CD300LB: variants seen among roughly 807,000 people sequenced by gnomAD.
CD300LB encodes CMRF35-like molecule 7.
CD300LB carries 18 observed loss-of-function variants against 20.8 expected under a neutral mutation model. The observed-to-expected ratio is 0.87, with a 90% CI of 0.60 to 1.28. The LOEUF (loss-of-function observed/expected upper bound fraction) is 1.28. Among genes scored for constraint, CD300LB ranks in the 50% most tolerant of loss-of-function variants. CD300LB has a pLI of 0.00. For synonymous variants in CD300LB, 91 were observed against 91.3 expected, an observed-to-expected ratio of 1.00 and a Z score of 0.02; for missense variants, 222 against 251.8, an observed-to-expected ratio of 0.88 and a Z score of 0.80.
chr17:74,530,098 G>A (rs139047743), intron 1 of CD300LB, among the ~76,000 whole-genome samples: 3,236 of 152,354 alleles, frequency 0.021, 53 homozygotes, highest in Non-Finnish European at 0.031. Flanking sequence ...GCAGAGCCCC[G>A]TTGAACGGGC....
rs775361367 is a variant in CD300LB at position 74,522,759 on chromosome 17, C to T, written c.585G>A (p.Leu195=). The T allele has an allele frequency of 6.2e-7, 1 of 1,614,162 alleles. No individual in the cohort carries two copies. The highest frequency in any genetic ancestry group is 2.2e-5 in the East Asian group (1 of 44,876). Residue 195 remains leucine (L), a synonymous_variant, in exon 4 of 4, where the codon CTG becomes CTA. Coordinates refer to ENST00000392621, the MANE Select transcript of CD300LB (RefSeq NM_174892.4). The part of the protein sequence containing the change: ...QPIYMNFSEP[L]TKDMAT ...CTCTCTAAGTGGCCATGTCTTTAGT[C>T]AGAGGTTCGGAGAAGTTCATGTAGA...
chr17:74,530,883 A>T (rs905853037), intron 1 of CD300LB, among the ~76,000 whole-genome samples: 3 of 151,944 alleles, frequency 2.0e-5, no homozygotes, highest in African/African-American at 7.3e-5. Context: ...ATAACTCTGC[A>T]GAATTGAATA....
chr17:74,523,262 T>C (rs945774986), intron 3 of CD300LB: 10 of 520,230 alleles, frequency 1.9e-5, no homozygotes, highest in Admixed American at 1.3e-4. Context: ...TCTGTGTCCC[T>C]TGATGTCTTG....
At position 74,522,829 on chromosome 17, in the gene CD300LB, A is replaced by G. The variant is rs1186326156; in HGVS notation, c.515T>C (p.Leu172Ser). The G allele has an allele frequency of 6.2e-7, 1 of 1,613,980 alleles. No individual in the cohort carries two copies. The highest frequency in any genetic ancestry group is 1.7e-5 in the Admixed American group (1 of 59,994). The change falls in exon 4 of 4, where the codon TTG (leucine) becomes TCG (serine). Residue 172 changes from leucine (L) to serine (S), a missense_variant. Coordinates refer to ENST00000392621, the MANE Select transcript of CD300LB (RefSeq NM_174892.4). The part of the protein sequence containing the change: ...LLILVTAILW[L>S]KGSQRVPEEP... ...CTCAGGGACCCTCTGAGACCCCTTC[A>G]ACCAGAGGATGGCAGTGACCAAGAT...
At position 74,521,555 on chromosome 17, in the gene CD300LB, A is replaced by G. The variant is rs1907879444; in HGVS notation, c.*1183T>C. 1 of 985,388 alleles carries G rather than the reference A, an allele frequency of 1.0e-6. No individual in the cohort carries two copies. Among genetic ancestry groups the G allele is most frequent in the South Asian group, 4.7e-5 (1 of 21,286 alleles). 61.0% of individuals were successfully genotyped at this position (985,388 alleles called of 1,614,324 possible). ...GAGAAAGTTTCTCTTTGGCTGAAGG[A>G]CAAGAAGAGGGGAGGCTCTGGGTGC... On this transcript the variant is annotated 3_prime_UTR_variant, in exon 4 of 4. Transcript: ENST00000392621.
At position 74,525,933 on chromosome 17, in the gene CD300LB, A is replaced by G. The variant is rs1908018843; in HGVS notation, c.185T>C (p.Ile62Thr). ...GVRWDTCKIL[I>T]ETRGSEQGEK... Reference sequence around the variant, plus strand: ...TCCTTGCTCCGACCCTCTGGTTTCAATGAGGATCTTGCATGTATCCCAGCG... The same window carrying G: ...TCCTTGCTCCGACCCTCTGGTTTCAGTGAGGATCTTGCATGTATCCCAGCG... Residue 62 changes from isoleucine (I) to threonine (T), a missense_variant, in exon 2 of 4, where the codon ATT becomes ACT. Ile to Thr is a moderately conservative substitution (Grantham distance 89, BLOSUM62 -1). Transcript: ENST00000392621. 8 of 1,613,964 alleles carry G rather than the reference A, an allele frequency of 5.0e-6. No individual in the cohort carries two copies. Among genetic ancestry groups the G allele is most frequent in the African/African-American group, 2.7e-5 (2 of 74,884 alleles).
rs1167881827 is a variant in CD300LB at position 74,530,578 on chromosome 17, CACACACACACACA to C, written c.40+720_40+732del. Among the ~76,000 whole-genome samples the C allele has an allele frequency of 7.6e-5, 11 of 144,608 alleles. No homozygotes were observed. In the Middle Eastern group the frequency reaches 0.01, roughly 135 times the overall value. The allele number at this position is 144,608 out of a possible 152,430, so 94.9% of individuals were successfully genotyped here. A position where few individuals can be genotyped will look rare whatever the true frequency, so the allele number is the denominator to read the frequency against. Reference sequence around the variant, plus strand: ...ACACACACACACACACACACACACACACACACACACACACCCAACTCTCTAGAGTGTTCTCCTC... The same window carrying C: ...ACACACACACACACACACACACACACCCCAACTCTCTAGAGTGTTCTCCTC... On this transcript the variant is annotated intron_variant, in intron 1 of 3. Transcript: ENST00000392621.
rs146120646 is a variant in CD300LB, at chr17:74,529,508, G to A, written c.40+1803C>T. Among the ~76,000 whole-genome samples, 1,409 of 152,064 alleles carry A rather than the reference G, an allele frequency of 9.3e-3. 30 individuals are homozygous for A. The highest frequency in any genetic ancestry group is 0.032 in the African/African-American group (1,315 of 41,472). ...GCCCTGAGCATCTAAAAGTCTTTTC[G>A]GGGCCGGGCACGGTGGCTCATGCCT... On this transcript the variant is annotated intron_variant, in intron 1 of 3. Transcript: ENST00000392621.
Position 74,527,874 on chromosome 17 carries a change from G to C in CD300LB, c.41-1797C>G, listed in dbSNP as rs117969496. ...CCGGACCTTACAGCAGGAGGTGAGCGGTGGGCAAGCAAGCGAAGCTTCATC... is the reference window on the plus strand; with the variant it reads ...CCGGACCTTACAGCAGGAGGTGAGCCGTGGGCAAGCAAGCGAAGCTTCATC... On this transcript the variant is annotated intron_variant, in intron 1 of 3. Transcript: ENST00000392621. Among the ~76,000 whole-genome samples the C allele has an allele frequency of 1.6e-3, 239 of 152,254 alleles. 7 individuals are homozygous for C. In the East Asian group the frequency reaches 0.044, roughly 28 times the overall value.
intron 1 of CD300LB, among the ~76,000 whole-genome samples, chr17:74,530,693 A>G (rs564517921): frequency 4.6e-5 from 7 of 151,972 alleles, no homozygotes; most frequent in African/African-American, 1.7e-4. Flanking sequence ...TTCTCTAGTC[A>G]CCAGAGAGAA....
chr17:74,522,759 C>G lies in CD300LB; in HGVS notation c.585G>C (p.Leu195=). 1 of 1,614,162 alleles carries G rather than the reference C, an allele frequency of 6.2e-7. No individual in the cohort carries two copies. The highest frequency in any genetic ancestry group is 1.1e-5 in the South Asian group (1 of 91,080). ...CTCTCTAAGTGGCCATGTCTTTAGT[C>G]AGAGGTTCGGAGAAGTTCATGTAGA... ...QPIYMNFSEP[L]TKDMAT is the part of the protein sequence containing the mutation. Residue 195 remains leucine (L), a synonymous_variant, in exon 4 of 4, where the codon CTG becomes CTC. Transcript: ENST00000392621.
chr17:74,524,578 A>T (rs1468104745), intron 2 of CD300LB, among the ~76,000 whole-genome samples: 1 of 151,992 alleles, frequency 6.6e-6, no homozygotes, highest in Non-Finnish European at 1.5e-5. Context: ...ACAGACTGAA[A>T]CCCTGTCTCA....
intron 2 of CD300LB, among the ~76,000 whole-genome samples, chr17:74,524,802 T>C (rs1364452233): frequency 6.6e-6 from 1 of 152,118 alleles, no homozygotes; most frequent in Non-Finnish European, 1.5e-5. Context: ...CACTGTTTTT[T>C]GTCTCTTTGT....
At chr17:74,528,993 G>A (rs1908116283) in intron 1 of CD300LB, among the ~76,000 whole-genome samples, 1 of 152,100 alleles carries the variant, frequency 6.6e-6, no homozygotes, top group African/African-American at 2.4e-5. Flanking sequence ...AGCCAGGAGT[G>A]GTGGTGCATG....
chr17:74,526,455 G>A (rs774436823), intron 1 of CD300LB, among the ~76,000 whole-genome samples: 2 of 152,180 alleles, frequency 1.3e-5, no homozygotes, highest in Non-Finnish European at 2.9e-5. Flanking sequence ...GCTCACACTT[G>A]TAATCCCAGC....
chr17:74,530,550 A>AACACACACACAC lies in CD300LB; in HGVS notation c.40+749_40+760dup, dbSNP rs67278106. On this transcript the variant is annotated intron_variant, in intron 1 of 3. Coordinates refer to ENST00000392621, the MANE Select transcript of CD300LB (RefSeq NM_174892.4). ...CTCCATCTCTCTGCCCAGGTCCCCC[A>AACACACACACAC]ACACACACACACACACACACACACA... 1.8e-3 allele frequency among the ~76,000 whole-genome samples: 255 copies of AACACACACACAC among 143,136 alleles called. 1 individual carries two copies. The highest frequency in any genetic ancestry group is 3.7e-3 in the African/African-American group (144 of 38,408). 93.9% of individuals were successfully genotyped at this position (143,136 alleles called of 152,430 possible). A position where few individuals can be genotyped will look rare whatever the true frequency, so the allele number is the denominator to read the frequency against.
rs753798217 is a variant in CD300LB at position 74,525,839 on chromosome 17, C to A, written c.279G>T (p.Gly93=). Reference sequence around the variant, plus strand: ...AAACATCTGCGTCATCTCGCCTGAGCCCCTCCATGGTCACAGTGAACGTGC... The same window carrying A: ...AAACATCTGCGTCATCTCGCCTGAGACCCTCCATGGTCACAGTGAACGTGC... ...KDRTFTVTME[G]LRRDDADVYW... Residue 93 remains glycine, a synonymous_variant, in exon 2 of 4, where the codon GGG becomes GGT. Coordinates refer to ENST00000392621, the MANE Select transcript of CD300LB (RefSeq NM_174892.4). The A allele has an allele frequency of 1.2e-6, 2 of 1,614,164 alleles. No homozygotes were observed. The highest frequency in any genetic ancestry group is 2.2e-5 in the South Asian group (2 of 91,090).
chr17:74,525,985 A>G lies in CD300LB; in HGVS notation c.133T>C (p.Tyr45His). 3 of 1,614,162 alleles carry G rather than the reference A, an allele frequency of 1.9e-6. No individual in the cohort carries two copies. The highest frequency in any genetic ancestry group is 2.2e-5 in the South Asian group (2 of 91,084). ...ACCCCTCGGCACCACCACTTAATGTAGGTCTCCCATCCTTGCTTATAGTGG... is the reference window on the plus strand; with the variant it reads ...ACCCCTCGGCACCACCACTTAATGTGGGTCTCCCATCCTTGCTTATAGTGG... ...QCHYKQGWETYIKWWCRGVRW... is the reference protein window; with the variant it reads ...QCHYKQGWETHIKWWCRGVRW... The change falls in exon 2 of 4, where the codon TAC becomes CAC. Residue 45 changes from tyrosine to histidine, a missense_variant. Coordinates refer to ENST00000392621, the MANE Select transcript of CD300LB (RefSeq NM_174892.4).
chr17:74,523,502 A>G (rs1907943833), intron 3 of CD300LB, 77 bp downstream of exon 3: 1 of 1,003,568 alleles, frequency 1.0e-6, no homozygotes, highest in Non-Finnish European at 1.6e-6. Context: ...ATTTGGTGAC[A>G]GGCAGGAGTT....
Sources: gnomAD v4.1 joint callset for allele counts (sites outside exome capture counted in the v4.1 genomes callset) on GRCh38, gnomAD v4.1.1 for gene constraint, MANE v1.5 for transcripts, NCBI Gene and HGNC (gene_info 2026-07-23, HGNC 2026-07-21) for gene names.